SLC44A5: variants seen among roughly 807,000 people sequenced by gnomAD.
SLC44A5 encodes solute carrier family 44 member 5.
A neutral mutation model predicts 101.8 loss-of-function variants in SLC44A5; 57 were observed. The observed-to-expected ratio is 0.56, with a 90% CI of 0.45 to 0.70. SLC44A5 has a LOEUF of 0.70. SLC44A5 is among the 30% of genes least tolerant of loss of function. The pLI is 0.00. For synonymous variants in SLC44A5, 281 were observed against 290.9 expected (o/e 0.97, Z 0.35); for missense variants, 737 against 853.1 (o/e 0.86, Z 1.70).
chr1:75,694,931 T>C, the SLC44A5 span, among the ~76,000 whole-genome samples: 2 of 152,154 alleles, frequency 1.3e-5, no homozygotes, highest in Admixed American at 6.6e-5. Flanking sequence ...GACATATTAC[T>C]TGGCATACAA....
At chr1:75,569,603 CA>C (rs1672967844) in intron 1 of SLC44A5, among the ~76,000 whole-genome samples, 1 of 152,150 alleles carries the variant, frequency 6.6e-6, no homozygotes, top group Non-Finnish European at 1.5e-5. Flanking sequence ...CAGTAGAACA[CA>C]AGTTCCTTGC....
the SLC44A5 span, among the ~76,000 whole-genome samples, chr1:75,652,174 G>C: frequency 6.6e-6 from 1 of 152,148 alleles, no homozygotes; most frequent in Non-Finnish European, 1.5e-5. Flanking sequence ...CCAAGTGCTG[G>C]CAGGCCACTG....
At chr1:75,497,767 T>G (rs1668753084) in intron 2 of SLC44A5, among the ~76,000 whole-genome samples, 1 of 152,116 alleles carries the variant, frequency 6.6e-6, no homozygotes, top group Non-Finnish European at 1.5e-5. Flanking sequence ...AATATATACA[T>G]TTCAATTTAA....
intron 5 of SLC44A5, 120 bp from the exon 6 acceptor site, chr1:75,275,162 TATTG>T (rs1201206779): frequency 1.6e-6 from 1 of 638,032 alleles, no homozygotes; most frequent in African/African-American, 1.8e-5. Flanking sequence ...CACAGAAGAT[TATTG>T]ATTTTCTTCA....
At chr1:75,306,733 C>CTTTT (rs771955227) in intron 4 of SLC44A5, among the ~76,000 whole-genome samples, 10,287 of 101,952 alleles carry the variant, frequency 0.1, 917 homozygotes, top group Middle Eastern at 0.16. Context: ...GGTTTCCTTT[C>CTTTT]TTTTTTTTTT....
Position 75,292,114 on chromosome 1 carries a change from T to C in SLC44A5, c.175+8498A>G, listed in dbSNP as rs542234103. 7.0e-4 allele frequency among the ~76,000 whole-genome samples: 106 copies of C among 151,818 alleles called. 1 individual carries two copies. The South Asian group carries it at 0.021, about 30-fold the overall frequency. Reference sequence around the variant, plus strand: ...TTTTCTATGATGAACTACAGGGAGATTTTTTTTAGTTGTTAGTGTCAGCTG... The same window carrying C: ...TTTTCTATGATGAACTACAGGGAGACTTTTTTTAGTTGTTAGTGTCAGCTG... On this transcript the variant is annotated intron_variant, in intron 5 of 23. Coordinates refer to ENST00000370859, the MANE Select transcript of SLC44A5 (RefSeq NM_001130058.2).
chr1:75,511,639 T>C (rs1402111003), intron 2 of SLC44A5, among the ~76,000 whole-genome samples: 1 of 152,216 alleles, frequency 6.6e-6, no homozygotes, highest in Non-Finnish European at 1.5e-5. Context: ...CTAATGCACT[T>C]TTATGAAAGT....
intron 2 of SLC44A5, among the ~76,000 whole-genome samples, chr1:75,514,041 C>T (rs187409259): frequency 2.6e-5 from 4 of 152,124 alleles, no homozygotes; most frequent in African/African-American, 9.7e-5. Context: ...GCTGGAGTCT[C>T]TCTATAGTGC....
At chr1:75,481,213 G>A (rs1414057017) in intron 2 of SLC44A5, among the ~76,000 whole-genome samples, 1 of 152,182 alleles carries the variant, frequency 6.6e-6, no homozygotes, top group African/African-American at 2.4e-5. Context: ...GTAGAAAGCT[G>A]AAACTGGATC....
the SLC44A5 span, among the ~76,000 whole-genome samples, chr1:75,619,594 C>A: frequency 6.6e-6 from 1 of 152,062 alleles, no homozygotes; most frequent in Non-Finnish European, 1.5e-5. Context: ...GTAGGCCTAA[C>A]AGAACACATC....
intron 18 of SLC44A5, among the ~76,000 whole-genome samples, chr1:75,216,500 AT>A (rs1646964947): frequency 6.6e-6 from 1 of 151,870 alleles, no homozygotes; most frequent in Admixed American, 6.6e-5. Context: ...ATATTTAAAA[AT>A]TTTTTAGAAG....
chr1:75,224,293 A>T (rs932776757), intron 13 of SLC44A5, among the ~76,000 whole-genome samples: 2 of 152,220 alleles, frequency 1.3e-5, no homozygotes, highest in Non-Finnish European at 2.9e-5. Flanking sequence ...TGATGCTAAT[A>T]ATGAATGAGT....
intron 2 of SLC44A5, among the ~76,000 whole-genome samples, chr1:75,406,625 A>C (rs979336474): frequency 2.0e-5 from 3 of 152,202 alleles, no homozygotes; most frequent in Non-Finnish European, 4.4e-5. Flanking sequence ...CGATTATCTT[A>C]ATAGATGCAG....
chr1:75,356,264 A>G (rs1353938740), intron 3 of SLC44A5, among the ~76,000 whole-genome samples: 2 of 150,920 alleles, frequency 1.3e-5, no homozygotes, highest in African/African-American at 2.4e-5. Flanking sequence ...TTGTTAGCAT[A>G]GGAGATGACA....
intron 2 of SLC44A5, among the ~76,000 whole-genome samples, chr1:75,441,001 TA>T (rs1203861028): frequency 6.6e-6 from 1 of 151,698 alleles, no homozygotes; most frequent in Non-Finnish European, 1.5e-5. Context: ...GGGTTCCAAA[TA>T]AAAAATGATA....
chr1:75,250,541 T>C (rs1649482501), intron 7 of SLC44A5, among the ~76,000 whole-genome samples: 1 of 152,188 alleles, frequency 6.6e-6, no homozygotes, highest in Admixed American at 6.5e-5. Context: ...CTGGGTCAAA[T>C]GGTATTTCTG....
intron 2 of SLC44A5, among the ~76,000 whole-genome samples, chr1:75,411,661 GA>G (rs1199484009): frequency 1.3e-5 from 2 of 151,932 alleles, no homozygotes; most frequent in African/African-American, 4.8e-5. Flanking sequence ...GATCCTCAAT[GA>G]AAAATAAACT....
At chr1:75,366,273 C>A (rs1419568810) in intron 3 of SLC44A5, among the ~76,000 whole-genome samples, 1 of 152,044 alleles carries the variant, frequency 6.6e-6, no homozygotes, top group East Asian at 1.9e-4. Flanking sequence ...TTCATCTCTC[C>A]CTTTCTGAAG....
chr1:75,444,698 C>A (rs1436741476), intron 2 of SLC44A5, among the ~76,000 whole-genome samples: 1 of 151,738 alleles, frequency 6.6e-6, no homozygotes, highest in Non-Finnish European at 1.5e-5. Flanking sequence ...GAACAGAGTT[C>A]TTGTACCAGA....
Sources: allele counts gnomAD v4.1 joint callset (sites outside exome capture counted in the v4.1 genomes callset), GRCh38; gene constraint gnomAD v4.1.1; transcripts MANE v1.5; gene names NCBI Gene and HGNC (gene_info 2026-07-23, HGNC 2026-07-21).